The following PTPRN2 variants were observed in gnomAD, a reference collection of about 807,000 sequenced individuals.
PTPRN2 encodes protein tyrosine phosphatase receptor type N2.
A neutral mutation model predicts 118.8 loss-of-function variants in PTPRN2; 74 were observed. The observed-to-expected ratio is 0.62, with a 90% confidence interval of 0.52 to 0.76. The LOEUF (loss-of-function observed/expected upper bound fraction) is 0.76. Among genes scored for constraint, PTPRN2 ranks in the 30% least tolerant of loss-of-function variants. The pLI, the probability that PTPRN2 is intolerant of heterozygous loss-of-function variation, is 0.00. For synonymous variants in PTPRN2, 641 were observed against 608.0 expected (o/e 1.05, Z -0.80); for missense variants, 1,481 against 1,394.4 (o/e 1.06, Z -0.99).
intron 6 of PTPRN2, among the ~76,000 whole-genome samples, chr7:158,157,119 C>T (rs562103460): frequency 3.3e-4 from 50 of 151,894 alleles, no homozygotes; most frequent in Non-Finnish European, 5.9e-4. Context: ...GCGGACAGCA[C>T]GCCTGTTCCA....
intron 12 of PTPRN2, among the ~76,000 whole-genome samples, chr7:157,760,873 C>T (rs966035170): frequency 5.9e-5 from 9 of 152,296 alleles, no homozygotes; most frequent in African/African-American, 2.2e-4. Context: ...AATTTGACTT[C>T]CTCTTTTCCT....
intron 22 of PTPRN2, among the ~76,000 whole-genome samples, chr7:157,545,111 G>C (rs1299507033): frequency 6.7e-6 from 1 of 149,940 alleles, no homozygotes; most frequent in Non-Finnish European, 1.5e-5. Flanking sequence ...TGGGTGTGTA[G>C]GTGTGTGTGG....
intron 9 of PTPRN2, among the ~76,000 whole-genome samples, chr7:158,120,703 A>G (rs76637384): frequency 4.6e-5 from 7 of 152,158 alleles, no homozygotes; most frequent in Non-Finnish European, 1.0e-4. Flanking sequence ...TTTCCTGTAC[A>G]TTTTGGATGT....
chr7:158,190,996 C>T (rs556805736), intron 5 of PTPRN2, among the ~76,000 whole-genome samples: 6 of 152,384 alleles, frequency 3.9e-5, no homozygotes, highest in Admixed American at 2.0e-4. Context: ...GCTTCCTCAC[C>T]TGCCTGCACA....
intron 3 of PTPRN2, among the ~76,000 whole-genome samples, chr7:158,226,251 T>C (rs1420203794): frequency 6.6e-6 from 1 of 152,216 alleles, no homozygotes. Flanking sequence ...GATAAGGTTG[T>C]AAACTCAGAG....
In PTPRN2 at chr7:157,990,670, T is replaced by C. The variant is rs1804185961; in HGVS notation, c.1723+90628A>G. 6.6e-6 allele frequency among the ~76,000 whole-genome samples: 1 copy of C among 152,138 alleles called. No individual in the cohort carries two copies. Among genetic ancestry groups the C allele is most frequent in the East Asian group, 1.9e-4 (1 of 5,176 alleles). ...CATGCTGGTCCCCTTCCCAGTGAAG[T>C]CCCAGGAAACAGCCTCTCATGTTGC... On this transcript the variant is annotated intron_variant, in intron 11 of 22. Coordinates refer to ENST00000389418, the MANE Select transcript of PTPRN2 (RefSeq NM_002847.5). This position sits in a 1 kb window ranked among gnomAD's most constrained non-coding sequence, Gnocchi z 4.3.
intron 2 of PTPRN2, among the ~76,000 whole-genome samples, chr7:158,329,541 G>A (rs926735007): frequency 3.9e-5 from 6 of 152,174 alleles, no homozygotes; most frequent in African/African-American, 9.7e-5. Context: ...AGGCACCGTC[G>A]ATGAGCCAGG....
intron 1 of PTPRN2, among the ~76,000 whole-genome samples, chr7:158,523,448 G>A (rs528283019): frequency 1.7e-4 from 24 of 138,950 alleles, no homozygotes; most frequent in Admixed American, 7.2e-4. Context: ...GCCCTGGAGC[G>A]GAGTCGTCTG....
intron 11 of PTPRN2, among the ~76,000 whole-genome samples, chr7:157,972,135 T>C (rs564733102): frequency 5.1e-4 from 78 of 152,278 alleles, no homozygotes; most frequent in Non-Finnish European, 1.0e-4. Flanking sequence ...CAGAAGAAAA[T>C]GGAGCATATC....
intron 12 of PTPRN2, among the ~76,000 whole-genome samples, chr7:157,713,926 G>A (rs900489213): frequency 2.0e-5 from 3 of 152,180 alleles, no homozygotes; most frequent in Admixed American, 6.6e-5. Flanking sequence ...ACGAAGGAGC[G>A]GAAATACAAT....
At chr7:158,353,300 A>G (rs1808151522) in intron 2 of PTPRN2, among the ~76,000 whole-genome samples, 2 of 152,212 alleles carry the variant, frequency 1.3e-5, no homozygotes, top group African/African-American at 4.8e-5. Context: ...GAGTCAAAAG[A>G]TGACACATCA....
At chr7:158,143,773 C>A (rs1585597944) in intron 6 of PTPRN2, among the ~76,000 whole-genome samples, 1 of 152,158 alleles carries the variant, frequency 6.6e-6, no homozygotes, top group African/African-American at 2.4e-5. Context: ...TGTGGTAGAA[C>A]AATTCACTTC....
intron 6 of PTPRN2, among the ~76,000 whole-genome samples, chr7:158,157,658 C>G (rs977105760): frequency 6.6e-6 from 1 of 152,210 alleles, no homozygotes; most frequent in Non-Finnish European, 1.5e-5. Context: ...CCGCACTGGG[C>G]GCATCCACGT....
chr7:158,125,373 G>A (rs906488176), intron 9 of PTPRN2, among the ~76,000 whole-genome samples: 27 of 151,602 alleles, frequency 1.8e-4, no homozygotes, highest in African/African-American at 5.3e-4. Context: ...TCCCTCCCAC[G>A]GCCACCCCCC....
intron 3 of PTPRN2, among the ~76,000 whole-genome samples, chr7:158,208,978 T>G (rs1485566962): frequency 2.6e-5 from 4 of 152,156 alleles, no homozygotes; most frequent in Non-Finnish European, 4.4e-5. Flanking sequence ...TAAGTTGTCA[T>G]CCGTTTAAAA....
At chr7:157,686,005 G>A (rs1797170554) in intron 12 of PTPRN2, among the ~76,000 whole-genome samples, 1 of 152,002 alleles carries the variant, frequency 6.6e-6, no homozygotes, top group Admixed American at 6.5e-5. Flanking sequence ...AGGCCCGGAG[G>A]GCGACCGCGC....
At chr7:157,697,747 C>T (rs1260893045) in intron 12 of PTPRN2, among the ~76,000 whole-genome samples, 1 of 144,150 alleles carries the variant, frequency 6.9e-6, no homozygotes, top group African/African-American at 2.6e-5. Context: ...AGAGCCCTCA[C>T]CGTCTACCCA....
Position 158,587,599 on chromosome 7 carries a change from G to A in PTPRN2, c.71C>T (p.Pro24Leu). The change falls in exon 1 of 23, where the codon CCT becomes CTT. Residue 24 changes from proline (P) to leucine (L), a missense_variant. Physicochemically the swap from Pro to Leu is moderately conservative, Grantham distance 98 (BLOSUM62 -3). Transcript: ENST00000389418. ...LLPPRVLPAA[P>L]SSVPRGRQLP... ...CTGCCGGCCGCGGGGGACGGACGAAGGGGCGGCAGGCAGGACGCGTGGCGG... is the reference window on the plus strand; with the variant it reads ...CTGCCGGCCGCGGGGGACGGACGAAAGGGCGGCAGGCAGGACGCGTGGCGG... The A allele has an allele frequency of 7.4e-7, 1 of 1,346,782 alleles. No homozygotes were observed. Among genetic ancestry groups the A allele is most frequent in the Non-Finnish European group, 9.5e-7 (1 of 1,054,630 alleles). 83.4% of individuals were successfully genotyped at this position (1,346,782 alleles called of 1,614,324 possible). A position where few individuals can be genotyped will look rare whatever the true frequency, so the allele number is the denominator to read the frequency against.
intron 2 of PTPRN2, among the ~76,000 whole-genome samples, chr7:158,387,843 A>G (rs1470798153): frequency 6.6e-6 from 1 of 151,826 alleles, no homozygotes; most frequent in African/African-American, 2.4e-5. Flanking sequence ...TGCAGCAGGA[A>G]CCCGCCTCTG....
Sources: allele counts gnomAD v4.1 joint callset (sites outside exome capture counted in the v4.1 genomes callset), GRCh38; gene constraint gnomAD v4.1.1; non-coding constraint Gnocchi (gnomAD v3.1); transcripts MANE v1.5; gene names NCBI Gene and HGNC (gene_info 2026-07-23, HGNC 2026-07-21).